The following CIB2 variants were observed in gnomAD, a reference collection of about 807,000 sequenced individuals.
The protein encoded by CIB2 is calcium and integrin-binding family member 2.
A neutral mutation model predicts 23.1 loss-of-function variants in CIB2; 19 were observed. That is an observed-to-expected ratio of 0.82 (90% CI 0.57 to 1.21). The LOEUF is 1.21. Ranked by LOEUF, CIB2 falls within the 50% of genes most tolerant of loss-of-function variation. CIB2 has a pLI of 0.00. For synonymous variants in CIB2, 94 were observed against 91.7 expected, an observed-to-expected ratio of 1.03 and a Z score of -0.14; for missense variants, 220 against 241.5, an observed-to-expected ratio of 0.91 and a Z score of 0.59.
At chr15:78,127,769 G>C (rs1466846739) in intron 1 of CIB2, among the ~76,000 whole-genome samples, 1 of 152,164 alleles carries the variant, frequency 6.6e-6, no homozygotes, top group African/African-American at 2.4e-5. Context: ...CCTCAGCACT[G>C]CCCAGGGGAC....
chr15:78,116,597 C>T (rs2074244421), intron 2 of CIB2, among the ~76,000 whole-genome samples: 1 of 152,008 alleles, frequency 6.6e-6, no homozygotes, highest in Non-Finnish European at 1.5e-5. Context: ...ACCTATCCCC[C>T]ACAGATACTG....
intron 1 of CIB2, among the ~76,000 whole-genome samples, chr15:78,127,408 A>AGGAGAG: frequency 6.6e-6 from 1 of 152,274 alleles, no homozygotes; most frequent in South Asian, 2.1e-4. Flanking sequence ...AAGGGAGGGA[A>AGGAGAG]GGAGAGAGGG....
chr15:78,128,996 C>A (rs2074418762), intron 1 of CIB2, among the ~76,000 whole-genome samples: 1 of 152,128 alleles, frequency 6.6e-6, no homozygotes. Context: ...GAGGCTGTGA[C>A]CCCTGTTTTG....
intron 2 of CIB2, among the ~76,000 whole-genome samples, chr15:78,115,674 CTCTTT>C (rs2074228794): frequency 7.4e-6 from 1 of 134,818 alleles, no homozygotes; most frequent in Non-Finnish European, 1.6e-5. Context: ...GTATCTCCTT[CTCTTT>C]TTTTTTTTTT....
intron 2 of CIB2, among the ~76,000 whole-genome samples, chr15:78,114,069 C>G (rs1028670640): frequency 7.9e-5 from 12 of 152,182 alleles, no homozygotes; most frequent in African/African-American, 2.4e-4. Context: ...ATAAGTTTCT[C>G]TATCAGTAAA....
chr15:78,117,733 C>T (rs1331929811), intron 2 of CIB2, among the ~76,000 whole-genome samples: 1 of 152,304 alleles, frequency 6.6e-6, no homozygotes, highest in South Asian at 2.1e-4. Flanking sequence ...TGCAGGTGTC[C>T]GTTCTAAAGA....
chr15:78,113,458 T>TC (rs2074189043), intron 2 of CIB2, among the ~76,000 whole-genome samples: 1 of 148,436 alleles, frequency 6.7e-6, no homozygotes, highest in Non-Finnish European at 1.5e-5. Context: ...GAAAACTACT[T>TC]TTTTTTTTTT....
chr15:78,121,558 G>A (rs1306744209), intron 2 of CIB2, among the ~76,000 whole-genome samples: 1 of 152,126 alleles, frequency 6.6e-6, no homozygotes, highest in Non-Finnish European at 1.5e-5. Flanking sequence ...GAATCATGGG[G>A]GCAGTTACCC....
rs1555425816 is a variant in CIB2 at position 78,109,200 on chromosome 15, C to CT, written c.346+34_346+35insA. The CT allele has an allele frequency of 2.9e-5, 34 of 1,159,070 alleles. 1 individual carries two copies. The African/African-American group carries it at 4.1e-4, about 14-fold the overall frequency. The allele number at this position is 1,159,070 out of a possible 1,614,324, so 71.8% of individuals were successfully genotyped here. On this transcript the variant is annotated intron_variant, in intron 4 of 5. Coordinates refer to ENST00000258930, the MANE Select transcript of CIB2 (RefSeq NM_006383.4). ...CTAAGGGCCCCACATGTTCCCCCAC[C>CT]GCATATTCAGGCCCCCTCCTCTAGC...
In CIB2 at chr15:78,123,649, G is replaced by A. The variant is rs1296989143; in HGVS notation, c.86+56C>T. On this transcript the variant is annotated intron_variant, in intron 2 of 5. Coordinates refer to ENST00000258930, the MANE Select transcript of CIB2 (RefSeq NM_006383.4). ...CAGCCAGCCCATGTGGGGTGCCCCA[G>A]CCTCACCCCGGCCCCAGTCCCAGTC... 3 of 1,597,976 alleles carry A rather than the reference G, an allele frequency of 1.9e-6. No homozygotes were observed. In the African/African-American group the frequency reaches 4.0e-5, roughly 21 times the overall value.
At chr15:78,107,590 G>C (rs2074090609) in intron 4 of CIB2, among the ~76,000 whole-genome samples, 1 of 152,164 alleles carries the variant, frequency 6.6e-6, no homozygotes, top group Non-Finnish European at 1.5e-5. Context: ...TCCACCCCCA[G>C]CCTAGAGCAG....
chr15:78,131,481 G>C (rs925103936), upstream of CIB2: 2 of 165,248 alleles, frequency 1.2e-5, no homozygotes, highest in Non-Finnish European at 2.6e-5. The surrounding 1 kb of genome is among the most constrained non-coding windows in gnomAD (Gnocchi z 5.8). Flanking sequence ...CAGCGCGCCC[G>C]GGTCCCGGCA....
chr15:78,123,637 TG>T, intron 2 of CIB2, 67 bp downstream of exon 2: 2 of 1,534,082 alleles, frequency 1.3e-6, no homozygotes, highest in Non-Finnish European at 1.8e-6. Flanking sequence ...CCAGCCCATG[TG>T]GGGTGCCCCA....
intron 2 of CIB2, among the ~76,000 whole-genome samples, chr15:78,119,908 T>G (rs1251966859): frequency 1.3e-5 from 2 of 151,164 alleles, no homozygotes; most frequent in East Asian, 3.9e-4. Context: ...CATCTGCCTT[T>G]TTTTTTTTTT....
chr15:78,110,490 C>T (rs2074140643), intron 3 of CIB2, among the ~76,000 whole-genome samples: 1 of 152,260 alleles, frequency 6.6e-6, no homozygotes, highest in African/African-American at 2.4e-5. Flanking sequence ...TCAAGCCACA[C>T]ATCCCAGGCC....
intron 5 of CIB2, 188 bp from the exon 6 acceptor site, chr15:78,105,520 C>A: frequency 6.7e-7 from 1 of 1,485,216 alleles, no homozygotes; most frequent in South Asian, 1.3e-5. Context: ...GGGAGTTCTG[C>A]CCCCACTTAT....
intron 1 of CIB2, among the ~76,000 whole-genome samples, chr15:78,127,933 A>T (rs1596364732): frequency 6.6e-6 from 1 of 152,350 alleles, no homozygotes; most frequent in Non-Finnish European, 1.5e-5. Flanking sequence ...CACAGCATCA[A>T]CTACCCAGCT....
At chr15:78,130,028 T>G (rs1418877363) in intron 1 of CIB2, among the ~76,000 whole-genome samples, 1 of 152,096 alleles carries the variant, frequency 6.6e-6, no homozygotes, top group East Asian at 1.9e-4. Context: ...AAGGGGCCTT[T>G]GTTTTACCTT....
chr15:78,109,403 A>C, intron 3 of CIB2, 21 bp from the exon 4 acceptor site: 1 of 1,613,590 alleles, frequency 6.2e-7, no homozygotes, highest in Non-Finnish European at 8.5e-7. Flanking sequence ...CACACACAGC[A>C]ATCACTGTGG....
Sources: gnomAD v4.1 joint callset for allele counts (sites outside exome capture counted in the v4.1 genomes callset) on GRCh38, gnomAD v4.1.1 for gene constraint, Gnocchi (gnomAD v3.1) non-coding constraint, MANE v1.5 for transcripts, NCBI Gene and HGNC (gene_info 2026-07-23, HGNC 2026-07-21) for gene names.